Variants in ERICH6B observed in about 807,000 individuals in gnomAD.
ERICH6B encodes the protein glutamate-rich protein 6B.
ERICH6B carries 69 observed loss-of-function variants against 80.0 expected under a neutral mutation model. The observed-to-expected ratio is 0.86, with a 90% CI of 0.71 to 1.05. The LOEUF (loss-of-function observed/expected upper bound fraction) is 1.05, where lower values mean the gene tolerates loss of function less well. ERICH6B is among the 50% of genes least tolerant of loss of function. ERICH6B has a pLI of 0.00. For synonymous variants in ERICH6B, 283 were observed against 291.9 expected, an observed-to-expected ratio of 0.97 and a Z score of 0.31; for missense variants, 754 against 796.1, an observed-to-expected ratio of 0.95 and a Z score of 0.64.
rs34244794 is a variant in ERICH6B at position 45,577,276 on chromosome 13, C to CTTTTTTTT, written c.962-2354_962-2347dup. ...TCTCCTGGACTGATTAAAAACAAAT[C>CTTTTTTTT]TTTTTTTTTTTTTTTTTTTTTTTTT... is the stretch of plus-strand genomic sequence containing the variant. On this transcript the variant is annotated intron_variant, in intron 7 of 14. Transcript: ENST00000298738. Among the ~76,000 whole-genome samples the CTTTTTTTT allele has an allele frequency of 2.8e-4, 24 of 86,088 alleles. 1 individual carries two copies. Among genetic ancestry groups the CTTTTTTTT allele is most frequent in the African/African-American group, 6.7e-4 (19 of 28,192 alleles). 56.5% of individuals were successfully genotyped at this position (86,088 alleles called of 152,430 possible).
intron 11 of ERICH6B, among the ~76,000 whole-genome samples, chr13:45,558,338 G>C (rs1414695538): frequency 6.6e-6 from 1 of 152,132 alleles, no homozygotes; most frequent in Non-Finnish European, 1.5e-5. Context: ...GCTTTCTGGA[G>C]GAGTCTTTAG....
intron 11 of ERICH6B, chr13:45,553,050 A>G: frequency 3.7e-6 from 1 of 272,902 alleles, no homozygotes; most frequent in Non-Finnish European, 7.3e-6. Context: ...CTCAGTAGAA[A>G]AAAGCAGTTT....
At chr13:45,561,220 A>G (rs2137975407) in intron 11 of ERICH6B, 149 bp downstream of exon 11, 2 of 762,238 alleles carry the variant, frequency 2.6e-6, no homozygotes, top group South Asian at 4.3e-5. Context: ...CAACCCACAC[A>G]CTCAGGTGTA....
intron 5 of ERICH6B, among the ~76,000 whole-genome samples, chr13:45,584,748 A>G (rs1355904454): frequency 1.3e-5 from 2 of 152,154 alleles, no homozygotes; most frequent in Non-Finnish European, 2.9e-5. Flanking sequence ...CCTCAGCTCC[A>G]CGTGCCCAGT....
At chr13:45,608,205 C>T (rs1434686587) in intron 1 of ERICH6B, among the ~76,000 whole-genome samples, 1 of 152,118 alleles carries the variant, frequency 6.6e-6, no homozygotes, top group Non-Finnish European at 1.5e-5. Flanking sequence ...AAATATTTTC[C>T]TCCAAAATAC....
At chr13:45,590,505 G>C (rs932287741) in intron 4 of ERICH6B, 144 bp downstream of exon 4, 17 of 711,770 alleles carry the variant, frequency 2.4e-5, no homozygotes, top group Non-Finnish European at 3.9e-5. Context: ...GGCGAGCAGG[G>C]TTGTAACTTC....
At chr13:45,560,216 A>G (rs1299946513) in intron 11 of ERICH6B, among the ~76,000 whole-genome samples, 2 of 152,126 alleles carry the variant, frequency 1.3e-5, no homozygotes, top group African/African-American at 2.4e-5. Context: ...TTTGGTGTTC[A>G]TTTGCATGGA....
intron 13 of ERICH6B, among the ~76,000 whole-genome samples, chr13:45,548,649 C>A (rs1157560085): frequency 2.0e-5 from 3 of 152,152 alleles, no homozygotes; most frequent in Non-Finnish European, 2.9e-5. Flanking sequence ...CCGGGACATG[C>A]TGATAGGACT....
At chr13:45,611,317 CA>C (rs1949898639) in intron 1 of ERICH6B, among the ~76,000 whole-genome samples, 2 of 152,186 alleles carry the variant, frequency 1.3e-5, no homozygotes, top group Admixed American at 1.3e-4. Context: ...TGGCAAACAG[CA>C]GTGGGGATTA....
intron 8 of ERICH6B, among the ~76,000 whole-genome samples, chr13:45,571,927 C>T (rs944447423): frequency 1.3e-5 from 2 of 152,146 alleles, no homozygotes; most frequent in African/African-American, 2.4e-5. Flanking sequence ...CCAACTGTGC[C>T]AACACCTTGA....
intron 2 of ERICH6B, among the ~76,000 whole-genome samples, chr13:45,599,518 G>T (rs905143716): frequency 3.3e-5 from 5 of 152,144 alleles, no homozygotes; most frequent in African/African-American, 1.2e-4. Flanking sequence ...TGGGAACACA[G>T]AAACAGAGCA....
Position 45,568,444 on chromosome 13 carries a change from T to A in ERICH6B, c.1058A>T (p.Asn353Ile), listed in dbSNP as rs878997811. 1 of 1,511,974 alleles carries A rather than the reference T, an allele frequency of 6.6e-7. No homozygotes were observed. Among genetic ancestry groups the A allele is most frequent in the South Asian group, 1.3e-5 (1 of 75,932 alleles). The allele number at this position is 1,511,974 out of a possible 1,614,324, so 93.7% of individuals were successfully genotyped here. A position where few individuals can be genotyped will look rare whatever the true frequency, so the allele number is the denominator to read the frequency against. The change falls in exon 9 of 15, where the codon AAC (asparagine) becomes ATC (isoleucine). Residue 353 changes from asparagine to isoleucine, a missense_variant. By Grantham distance (149) the Asn-to-Ile change is moderately radical. Coordinates refer to ENST00000298738, the MANE Select transcript of ERICH6B (RefSeq NM_182542.3). ...EVEDLDENFL[N>I]SSYQTVFKTI... ...TTTAAATACTGTCTGATAGGAGCTG[T>A]TCAAAAACTACAAAAGGATCAAAGA...
At chr13:45,611,806 A>G (rs890101016) in intron 1 of ERICH6B, among the ~76,000 whole-genome samples, 2 of 152,210 alleles carry the variant, frequency 1.3e-5, no homozygotes, top group Non-Finnish European at 2.9e-5. Flanking sequence ...CACTGTAATA[A>G]TAAGGATAAC....
intron 9 of ERICH6B, among the ~76,000 whole-genome samples, chr13:45,566,792 G>A (rs1043861980): frequency 6.6e-6 from 1 of 152,218 alleles, no homozygotes; most frequent in African/African-American, 2.4e-5. Context: ...CTCACACAGA[G>A]TCCCTACTGG....
At chr13:45,574,444 A>G (rs543659003) in intron 8 of ERICH6B, among the ~76,000 whole-genome samples, 1 of 152,302 alleles carries the variant, frequency 6.6e-6, no homozygotes, top group Admixed American at 6.5e-5. Flanking sequence ...GTGATTGGGA[A>G]CAGCTGGGGA....
chr13:45,614,741 T>A (rs1421331943), intron 1 of ERICH6B, among the ~76,000 whole-genome samples: 1 of 152,278 alleles, frequency 6.6e-6, no homozygotes, highest in African/African-American at 2.4e-5. Context: ...GCAAACGTAA[T>A]GTGTTCTTGT....
At chr13:45,591,522 G>A (rs1317436991) in intron 3 of ERICH6B, among the ~76,000 whole-genome samples, 1 of 152,176 alleles carries the variant, frequency 6.6e-6, no homozygotes, top group Non-Finnish European at 1.5e-5. Context: ...CGTGAACCCA[G>A]GAGGCGGAGC....
At chr13:45,565,915 A>G (rs1874893588) in intron 9 of ERICH6B, among the ~76,000 whole-genome samples, 1 of 152,236 alleles carries the variant, frequency 6.6e-6, no homozygotes, top group African/African-American at 2.4e-5. Flanking sequence ...GCCTCAGAAG[A>G]AGACAGGAAA....
chr13:45,614,539 C>T (rs1949917123), intron 1 of ERICH6B, among the ~76,000 whole-genome samples: 2 of 152,186 alleles, frequency 1.3e-5, no homozygotes, highest in South Asian at 4.1e-4. Flanking sequence ...CACTTTCCCT[C>T]CTGCTATGGG....
Sources: gnomAD v4.1 joint callset for allele counts (sites outside exome capture counted in the v4.1 genomes callset) on GRCh38, gnomAD v4.1.1 for gene constraint, MANE v1.5 for transcripts, NCBI Gene and HGNC (gene_info 2026-07-23, HGNC 2026-07-21) for gene names.